ZNF790: variants seen among roughly 807,000 people sequenced by gnomAD.
ZNF790 encodes the protein zinc finger protein 790.
Under a neutral mutation model 12.1 loss-of-function variants are expected in ZNF790, and 8 were observed. The ratio of observed to expected loss-of-function variants is 0.66; its 90% CI spans 0.39 to 1.19. ZNF790 has a LOEUF of 1.19. ZNF790 is among the 50% of genes most tolerant of loss of function. The pLI is 0.01. For synonymous variants in ZNF790, 252 were observed against 244.3 expected (o/e 1.03, Z -0.29); for missense variants, 707 against 752.2 (o/e 0.94, Z 0.70).
upstream of ZNF790, among the ~76,000 whole-genome samples, chr19:36,838,574 G>A (rs565617837): frequency 5.3e-5 from 8 of 152,314 alleles, no homozygotes; most frequent in East Asian, 1.5e-3. This position sits in a 1 kb window ranked among gnomAD's most constrained non-coding sequence, Gnocchi z 4.4. Flanking sequence ...ATCTGCTGCC[G>A]AGAGCTTCCA....
At chr19:36,831,995 C>T (rs1333106147) in intron 1 of ZNF790, among the ~76,000 whole-genome samples, 1 of 151,990 alleles carries the variant, frequency 6.6e-6, no homozygotes, top group African/African-American at 2.4e-5. Flanking sequence ...TTCAGTACCC[C>T]AAACAGTGGG....
intron 1 of ZNF790, among the ~76,000 whole-genome samples, chr19:36,835,011 T>G (rs1316030115): frequency 3.3e-5 from 5 of 152,212 alleles, no homozygotes; most frequent in Admixed American, 6.5e-5. Context: ...ATTTTGGCTG[T>G]GCACGGTGGC....
intron 1 of ZNF790, among the ~76,000 whole-genome samples, chr19:36,848,759 G>C (rs1477198545): frequency 6.6e-6 from 1 of 151,010 alleles, no homozygotes; most frequent in Non-Finnish European, 1.5e-5. Context: ...GGTTGGGGGG[G>C]TGGTGGCTCC....
upstream of ZNF790, among the ~76,000 whole-genome samples, chr19:36,842,645 C>CT (rs1251236946): frequency 1.3e-5 from 2 of 150,398 alleles, no homozygotes; most frequent in Non-Finnish European, 3.0e-5. Context: ...CTGCAGAAAA[C>CT]TAAAAAATCA....
chr19:36,826,940 C>A (rs1019863732), intron 1 of ZNF790, among the ~76,000 whole-genome samples: 1 of 150,152 alleles, frequency 6.7e-6, no homozygotes, highest in Non-Finnish European at 1.5e-5. Flanking sequence ...CACACAATAC[C>A]TTTAAGGGTA....
At chr19:36,842,251 T>C (rs2072136150), upstream of ZNF790, among the ~76,000 whole-genome samples, 1 of 152,130 alleles carries the variant, frequency 6.6e-6, no homozygotes, top group African/African-American at 2.4e-5. Flanking sequence ...ATCCAGAATA[T>C]ATAGAGAACC....
chr19:36,819,666 A>G lies in ZNF790; in HGVS notation c.678T>C (p.Tyr226=). 1 of 1,610,496 alleles carries G rather than the reference A, an allele frequency of 6.2e-7. No homozygotes were observed. Among genetic ancestry groups the G allele is most frequent in the East Asian group, 2.2e-5 (1 of 44,836 alleles). The change falls in exon 5 of 5, where the codon TAT becomes TAC. Residue 226 remains tyrosine (Y), a synonymous_variant. Transcript: ENST00000356725. Reference sequence around the variant, plus strand: ...AAGACTTCCCACATTCTTTACATTCATATGTTTTCTTAACAGTGTGAACTG... The same window carrying G: ...AAGACTTCCCACATTCTTTACATTCGTATGTTTTCTTAACAGTGTGAACTG... ...YQTVHTVKKT[Y]ECKECGKSFS...
chr19:36,823,385 C>A lies in ZNF790; in HGVS notation c.134-5G>T, dbSNP rs1288885233. On this transcript the variant is annotated splice_region_variant and splice_polypyrimidine_tract_variant and intron_variant, in intron 3 of 4. Coordinates refer to ENST00000356725, the MANE Select transcript of ZNF790 (RefSeq NM_206894.4). Reference sequence around the variant, plus strand: ...CTGGCTGATAAATGCAAAAACCTGCCCAGAAGATGAGAAACAGCAAAGAAC... The same window carrying A: ...CTGGCTGATAAATGCAAAAACCTGCACAGAAGATGAGAAACAGCAAAGAAC... 1.2e-6 allele frequency: 2 copies of A among 1,612,950 alleles called. No homozygotes were observed. Among genetic ancestry groups the A allele is most frequent in the Non-Finnish European group, 1.7e-6 (2 of 1,179,480 alleles).
At chr19:36,843,991 G>A (rs1379022744) in intron 1 of ZNF790, among the ~76,000 whole-genome samples, 1 of 128,180 alleles carries the variant, frequency 7.8e-6, no homozygotes, top group Non-Finnish European at 1.6e-5. Context: ...TTGGCAACAA[G>A]AGCGAAACTC....
rs1380969741 is a variant in ZNF790 at position 36,819,341 on chromosome 19, C to T, written c.1003G>A (p.Glu335Lys). Reference protein sequence around the residue: ...LIKHQRIHTGEKPYECKECGK... With the variant: ...LIKHQRIHTGKKPYECKECGK... ...CACTCCTTACATTCATAAGGTTTTT[C>T]ACCAGTGTGAATTCTCTGATGTTTA... is the stretch of plus-strand genomic sequence containing the variant. Residue 335 changes from glutamate to lysine, a missense_variant, in exon 5 of 5, where the codon GAA (glutamate) becomes AAA (lysine). Coordinates refer to ENST00000356725, the MANE Select transcript of ZNF790 (RefSeq NM_206894.4). 3 of 1,612,378 alleles carry T rather than the reference C, an allele frequency of 1.9e-6. No individual in the cohort carries two copies. The East Asian group carries it at 6.7e-5, about 36-fold the overall frequency.
chr19:36,820,473 G>A (rs1004870883), intron 4 of ZNF790, among the ~76,000 whole-genome samples: 6 of 152,198 alleles, frequency 3.9e-5, no homozygotes, highest in Non-Finnish European at 7.4e-5. Context: ...AAATAGGAAT[G>A]CTGGGAAATA....
intron 1 of ZNF790, among the ~76,000 whole-genome samples, chr19:36,845,499 T>C (rs1248083661): frequency 3.3e-5 from 5 of 151,748 alleles, no homozygotes; most frequent in Admixed American, 3.3e-4. Flanking sequence ...CAAAGTAATA[T>C]ACTGCCCTCT....
intron 1 of ZNF790, among the ~76,000 whole-genome samples, chr19:36,832,442 G>A (rs1051065196): frequency 1.3e-5 from 2 of 152,166 alleles, no homozygotes; most frequent in Non-Finnish European, 2.9e-5. Context: ...CAGCTTATGC[G>A]TTCTTGCTGT....
At chr19:36,848,011 G>A (rs1206099899) in intron 1 of ZNF790, among the ~76,000 whole-genome samples, 3 of 151,994 alleles carry the variant, frequency 2.0e-5, no homozygotes, top group Non-Finnish European at 4.4e-5. Flanking sequence ...CCAGAACTGT[G>A]GGAAATAATT....
intron 4 of ZNF790, among the ~76,000 whole-genome samples, chr19:36,821,830 A>C (rs1600647507): frequency 6.6e-6 from 1 of 151,714 alleles, no homozygotes; most frequent in Admixed American, 6.6e-5. Context: ...GTGATGATTC[A>C]CCCGCCTCGG....
At position 36,818,492 on chromosome 19, in the gene ZNF790, C is replaced by T. The variant is rs779345783; in HGVS notation, c.1852G>A (p.Glu618Lys). 72 of 1,582,976 alleles carry T rather than the reference C, an allele frequency of 4.5e-5. No homozygotes were observed. Among genetic ancestry groups the T allele is most frequent in the Non-Finnish European group, 6.0e-5 (70 of 1,160,882 alleles). The change falls in exon 5 of 5, where the codon GAA becomes AAA. Residue 618 changes from glutamate (E) to lysine (K), a missense_variant. Coordinates refer to ENST00000356725, the MANE Select transcript of ZNF790 (RefSeq NM_206894.4). ...AATGCTTTCTCAAAATCTTTAAATT[C>T]ATAGGATTTCTCAAAAGTGTAAATA... Reference protein sequence around the residue: ...QNIYTFEKSYEFKDFEKAFSS... With the variant: ...QNIYTFEKSYKFKDFEKAFSS...
chr19:36,821,512 G>T (rs1403474445), intron 4 of ZNF790, among the ~76,000 whole-genome samples: 3 of 152,182 alleles, frequency 2.0e-5, no homozygotes, highest in Non-Finnish European at 2.9e-5. Flanking sequence ...AGTAGCTGAT[G>T]ATTATTATTA....
upstream of ZNF790, among the ~76,000 whole-genome samples, chr19:36,842,960 G>A (rs1024415257): frequency 5.1e-5 from 7 of 136,320 alleles, no homozygotes; most frequent in Non-Finnish European, 9.1e-5. Flanking sequence ...AGCCAAGATC[G>A]CACCACCACA....
chr19:36,818,798 G>A lies in ZNF790; in HGVS notation c.1546C>T (p.Leu516Phe). ...YECEECGKAF[L>F]WGSQLTRHQR... is the part of the protein sequence containing the mutation. ...TGTCGAGTAAGTTGTGAACCCCAGA[G>A]AAAGGCTTTTCCACATTCTTCACAT... The change falls in exon 5 of 5, where the codon CTC becomes TTC. Residue 516 changes from leucine to phenylalanine, a missense_variant. Transcript: ENST00000356725. 6.2e-7 allele frequency: 1 copy of A among 1,610,730 alleles called. No homozygotes were observed. Among genetic ancestry groups the A allele is most frequent in the Non-Finnish European group, 8.5e-7 (1 of 1,178,496 alleles).
Sources: allele counts gnomAD v4.1 joint callset (sites outside exome capture counted in the v4.1 genomes callset), GRCh38; gene constraint gnomAD v4.1.1; non-coding constraint Gnocchi (gnomAD v3.1); transcripts MANE v1.5; gene names NCBI Gene and HGNC (gene_info 2026-07-23, HGNC 2026-07-21).